Variants in MECOM observed in about 807,000 individuals in gnomAD.
MECOM encodes histone-lysine N-methyltransferase MECOM.
MECOM carries 13 observed loss-of-function variants against 116.3 expected under a neutral mutation model. The ratio of observed to expected loss-of-function variants is 0.11; its 90% CI spans 0.07 to 0.18. The LOEUF is 0.18. Ranked by LOEUF, MECOM falls within the 10% of genes least tolerant of loss-of-function variation. The probability of loss-of-function intolerance (pLI) is 1.00; values close to 1 mark genes in which losing one functional copy is unlikely to be tolerated. For synonymous variants in MECOM, 528 were observed against 535.2 expected, an observed-to-expected ratio of 0.99 and a Z score of 0.19; for missense variants, 1,299 against 1,509.0, an observed-to-expected ratio of 0.86 and a Z score of 2.31.
At chr3:169,148,572 C>T (rs1167579139) in intron 2 of MECOM, among the ~76,000 whole-genome samples, 2 of 152,086 alleles carry the variant, frequency 1.3e-5, no homozygotes, top group Non-Finnish European at 2.9e-5. Context: ...AATCCAACTC[C>T]CCAGCTCAAC....
At chr3:169,314,488 T>C (rs1719381284) in intron 2 of MECOM, among the ~76,000 whole-genome samples, 1 of 152,236 alleles carries the variant, frequency 6.6e-6, no homozygotes, top group African/African-American at 2.4e-5. Flanking sequence ...AAATTAGTGT[T>C]TAATTAGTTA....
chr3:169,475,225 G>T (rs1750163243), intron 1 of MECOM, among the ~76,000 whole-genome samples: 2 of 152,188 alleles, frequency 1.3e-5, no homozygotes, highest in Admixed American at 6.5e-5. Flanking sequence ...GTTGCCAATG[G>T]TTGCACTTCA....
chr3:169,579,942 G>T (rs980573802), intron 1 of MECOM, among the ~76,000 whole-genome samples: 2 of 152,078 alleles, frequency 1.3e-5, no homozygotes, highest in Non-Finnish European at 2.9e-5. Context: ...GAGGATTTTC[G>T]TAGGAGCCCA....
At chr3:169,572,727 C>T (rs1478638354) in intron 1 of MECOM, among the ~76,000 whole-genome samples, 2 of 151,782 alleles carry the variant, frequency 1.3e-5, no homozygotes, top group African/African-American at 4.8e-5. Context: ...AACACAGGAA[C>T]AGAAAACCAA....
chr3:169,361,893 C>T (rs758479479), intron 2 of MECOM, among the ~76,000 whole-genome samples: 4 of 151,744 alleles, frequency 2.6e-5, no homozygotes, highest in East Asian at 1.9e-4. Context: ...TCAAAGATGG[C>T]GAGGAATAGA....
intron 1 of MECOM, among the ~76,000 whole-genome samples, chr3:169,487,220 G>C (rs192567825): frequency 1.3e-5 from 2 of 152,182 alleles, no homozygotes; most frequent in East Asian, 3.9e-4. Context: ...GAACCCGGAA[G>C]GAAGGAGTAG....
intron 1 of MECOM, among the ~76,000 whole-genome samples, chr3:169,587,861 C>A (rs1174352111): frequency 6.6e-6 from 1 of 151,880 alleles, no homozygotes; most frequent in Non-Finnish European, 1.5e-5. Flanking sequence ...CTATTATTCA[C>A]CTGCCAGGAA....
chr3:169,662,918 T>G (rs1356981231), intron 1 of MECOM, among the ~76,000 whole-genome samples: 1 of 146,454 alleles, frequency 6.8e-6, no homozygotes, highest in Non-Finnish European at 1.5e-5. Flanking sequence ...CGGGACTAGC[T>G]GGTTGGCCAG....
At chr3:169,342,003 AT>A (rs1428833787) in intron 2 of MECOM, among the ~76,000 whole-genome samples, 2 of 152,134 alleles carry the variant, frequency 1.3e-5, no homozygotes, top group Admixed American at 6.5e-5. Context: ...AAATAAAATG[AT>A]TTTTTAATAA....
At chr3:169,606,676 A>G (rs1768609471) in intron 1 of MECOM, among the ~76,000 whole-genome samples, 1 of 152,188 alleles carries the variant, frequency 6.6e-6, no homozygotes, top group Non-Finnish European at 1.5e-5. Context: ...CTGCTCTGCA[A>G]GAACATTCAG....
chr3:169,558,142 G>A (rs1389869211), intron 1 of MECOM, among the ~76,000 whole-genome samples: 5 of 152,154 alleles, frequency 3.3e-5, no homozygotes, highest in Non-Finnish European at 2.9e-5. Context: ...ATTCACCACG[G>A]TGAATGATTC....
At chr3:169,358,486 C>T (rs1006313321) in intron 2 of MECOM, among the ~76,000 whole-genome samples, 30 of 151,066 alleles carry the variant, frequency 2.0e-4, no homozygotes, top group African/African-American at 6.8e-4. Context: ...GTATCGAGAG[C>T]CAGCTTATTA....
At chr3:169,136,355 G>T (rs1358175957) in intron 3 of MECOM, among the ~76,000 whole-genome samples, 1 of 150,998 alleles carries the variant, frequency 6.6e-6, no homozygotes, top group Non-Finnish European at 1.5e-5. Context: ...TATATAATAA[G>T]AATGAATGCT....
chr3:169,550,500 A>G (rs1025753119), intron 1 of MECOM, among the ~76,000 whole-genome samples: 1 of 152,248 alleles, frequency 6.6e-6, no homozygotes, highest in Non-Finnish European at 1.5e-5. Flanking sequence ...GAAGTAACAG[A>G]ACCAGGCTAC....
intron 1 of MECOM, among the ~76,000 whole-genome samples, chr3:169,658,796 C>T (rs1775850730): frequency 6.6e-6 from 1 of 152,110 alleles, no homozygotes; most frequent in Non-Finnish European, 1.5e-5. Flanking sequence ...AAGCCGGTGA[C>T]CAGGAGATGA....
intron 2 of MECOM, among the ~76,000 whole-genome samples, chr3:169,369,588 G>C (rs974708850): frequency 6.6e-6 from 1 of 151,650 alleles, no homozygotes; most frequent in African/African-American, 2.4e-5. Flanking sequence ...GGGCTCAAAT[G>C]ATTCTCCCAC....
intron 2 of MECOM, among the ~76,000 whole-genome samples, chr3:169,168,912 A>G (rs13086990): frequency 0.097 from 14,790 of 151,926 alleles, 934 homozygotes; most frequent in Non-Finnish European, 0.14. Flanking sequence ...TATCTATAAA[A>G]TGATAGAGAA....
At chr3:169,242,041 G>T (rs933860300) in intron 2 of MECOM, among the ~76,000 whole-genome samples, 1 of 152,114 alleles carries the variant, frequency 6.6e-6, no homozygotes, top group African/African-American at 2.4e-5. Context: ...ATGATCTGTC[G>T]GCTAACTGAG....
intron 1 of MECOM, among the ~76,000 whole-genome samples, chr3:169,411,798 C>G (rs1737597980): frequency 6.6e-6 from 1 of 152,142 alleles, no homozygotes; most frequent in Admixed American, 6.5e-5. Flanking sequence ...CCAGACCAGC[C>G]TGGCCGACAT....
Sources: gnomAD v4.1 joint callset for allele counts (sites outside exome capture counted in the v4.1 genomes callset) on GRCh38, gnomAD v4.1.1 for gene constraint, MANE v1.5 for transcripts, NCBI Gene and HGNC (gene_info 2026-07-23, HGNC 2026-07-21) for gene names.